Variants in CRPPA observed in about 807,000 individuals in gnomAD.
CRPPA encodes the protein CDP-L-ribitol pyrophosphorylase A, also known as D-ribitol-5-phosphate cytidylyltransferase.
Under a neutral mutation model 52.0 loss-of-function variants are expected in CRPPA, and 43 were observed. The observed-to-expected ratio is 0.83, with a 90% CI of 0.65 to 1.07. The LOEUF (loss-of-function observed/expected upper bound fraction) is 1.07. Ranked by LOEUF, CRPPA falls within the 50% of genes least tolerant of loss-of-function variation. The pLI is 0.00. For missense variants in CRPPA, 629 were observed against 551.7 expected, an observed-to-expected ratio of 1.14 and a Z score of -1.40; for synonymous variants, 250 against 203.5, an observed-to-expected ratio of 1.23 and a Z score of -1.94.
intron 3 of CRPPA, among the ~76,000 whole-genome samples, chr7:16,312,259 A>G (rs1785050067): frequency 6.6e-6 from 1 of 151,970 alleles, no homozygotes; most frequent in African/African-American, 2.4e-5. Context: ...CAAACATGGG[A>G]CACCTCTCCA....
intron 2 of CRPPA, among the ~76,000 whole-genome samples, chr7:16,380,452 T>C (rs1008354620): frequency 7.2e-5 from 11 of 152,300 alleles, no homozygotes; most frequent in Non-Finnish European, 1.5e-4. Context: ...TAAAATTCTC[T>C]TTTTTAGTTG....
At chr7:16,249,224 C>G (rs1295162) in intron 8 of CRPPA, among the ~76,000 whole-genome samples, 28,544 of 152,064 alleles carry the variant, frequency 0.19, 3,561 homozygotes, top group African/African-American at 0.36. Flanking sequence ...GGCAGCAGCC[C>G]CAGTCAGGGG....
At chr7:16,313,066 AG>A (rs1202869532) in intron 3 of CRPPA, among the ~76,000 whole-genome samples, 1 of 151,936 alleles carries the variant, frequency 6.6e-6, no homozygotes. Flanking sequence ...TTATTGAATT[AG>A]GGTAATTCTA....
intron 2 of CRPPA, among the ~76,000 whole-genome samples, chr7:16,395,458 C>T (rs1428258562): frequency 6.6e-6 from 1 of 152,140 alleles, no homozygotes; most frequent in East Asian, 1.9e-4. Flanking sequence ...TATTGAAAGG[C>T]TTAATCAGTG....
At chr7:16,286,060 T>TTTAAAAAAA (rs1784431962) in intron 5 of CRPPA, among the ~76,000 whole-genome samples, 3 of 34,688 alleles carry the variant, frequency 8.6e-5, no homozygotes, top group Admixed American at 4.0e-4. Flanking sequence ...TATATATATA[T>TTTAAAAAAA]ATATATATAT....
In CRPPA at chr7:16,308,881, A is replaced by G. The variant is rs73065181; in HGVS notation, c.685-254T>C. Among the ~76,000 whole-genome samples the G allele has an allele frequency of 0.011, 1,690 of 152,034 alleles. 20 individuals are homozygous for G. Among genetic ancestry groups the G allele is most frequent in the Non-Finnish European group, 0.012 (844 of 68,014 alleles). ...AATCATATGAGTTTTGAGATTCCTCAGTAGTTCTAGGCGTAAAAAAATGTA... is the reference window on the plus strand; with the variant it reads ...AATCATATGAGTTTTGAGATTCCTCGGTAGTTCTAGGCGTAAAAAAATGTA... On this transcript the variant is annotated intron_variant, in intron 3 of 9. Coordinates refer to ENST00000407010, the MANE Select transcript of CRPPA (RefSeq NM_001101426.4).
chr7:16,136,910 T>C (rs1782773716), intron 9 of CRPPA, among the ~76,000 whole-genome samples: 2 of 152,238 alleles, frequency 1.3e-5, no homozygotes, highest in South Asian at 2.1e-4. Flanking sequence ...TTGAGCTCTA[T>C]AATGTGGGCC....
At chr7:16,178,253 T>A (rs1389768462) in intron 9 of CRPPA, among the ~76,000 whole-genome samples, 3 of 152,200 alleles carry the variant, frequency 2.0e-5, no homozygotes, top group African/African-American at 7.2e-5. Flanking sequence ...CAGATGGAAA[T>A]GACATACACA....
chr7:16,379,802 A>G lies in CRPPA; in HGVS notation c.535-3561T>C, dbSNP rs528243595. Among the ~76,000 whole-genome samples the G allele has an allele frequency of 5.3e-5, 8 of 152,088 alleles. No individual in the cohort carries two copies. The East Asian group carries it at 1.2e-3, about 22-fold the overall frequency. ...TTGGCTCTCTGTTTGTCTGTTATTG[A>G]TGTATAAGAATGCTTGTGATTTTTG... On this transcript the variant is annotated intron_variant, in intron 2 of 9. Coordinates refer to ENST00000407010, the MANE Select transcript of CRPPA (RefSeq NM_001101426.4).
chr7:16,092,442 C>CT (rs1781856124), intron 9 of CRPPA, among the ~76,000 whole-genome samples: 1 of 152,114 alleles, frequency 6.6e-6, no homozygotes, highest in South Asian at 2.1e-4. Flanking sequence ...GATGTGGTAA[C>CT]CAATCTCTAA....
At chr7:16,166,627 C>A (rs1231796918) in intron 9 of CRPPA, among the ~76,000 whole-genome samples, 4 of 152,156 alleles carry the variant, frequency 2.6e-5, no homozygotes, top group Non-Finnish European at 5.9e-5. Flanking sequence ...ATTCTTAATT[C>A]TCATTTGTTA....
chr7:16,186,098 T>C (rs1169343912), intron 9 of CRPPA, among the ~76,000 whole-genome samples: 2 of 152,176 alleles, frequency 1.3e-5, no homozygotes, highest in African/African-American at 4.8e-5. Flanking sequence ...ATAGACAGAT[T>C]TGATAATGCA....
intron 3 of CRPPA, among the ~76,000 whole-genome samples, chr7:16,346,534 T>C (rs762692407): frequency 9.9e-5 from 15 of 151,846 alleles, no homozygotes; most frequent in Admixed American, 2.6e-4. Flanking sequence ...AAAAAAATGA[T>C]AAGAAAAGCT....
chr7:16,290,704 A>G (rs1040891588), intron 5 of CRPPA, among the ~76,000 whole-genome samples: 1 of 152,076 alleles, frequency 6.6e-6, no homozygotes, highest in Non-Finnish European at 1.5e-5. Context: ...GGAAGAAAGC[A>G]GAGGAAATGC....
intron 3 of CRPPA, among the ~76,000 whole-genome samples, chr7:16,345,896 G>C (rs1338052863): frequency 1.3e-5 from 2 of 152,148 alleles, no homozygotes; most frequent in Non-Finnish European, 2.9e-5. Flanking sequence ...TTAATTCTTT[G>C]CCTCATTAAG....
At chr7:16,145,321 T>C (rs2128377135) in intron 9 of CRPPA, among the ~76,000 whole-genome samples, 1 of 152,228 alleles carries the variant, frequency 6.6e-6, no homozygotes. Flanking sequence ...CTCACCCAAG[T>C]ACAATTCCAG....
intron 9 of CRPPA, among the ~76,000 whole-genome samples, chr7:16,116,788 C>T (rs1178473687): frequency 6.6e-6 from 1 of 151,892 alleles, no homozygotes; most frequent in East Asian, 1.9e-4. Context: ...CATGTGTTCC[C>T]GGATTGAATC....
At chr7:16,107,477 T>G (rs1378285834) in intron 9 of CRPPA, among the ~76,000 whole-genome samples, 1 of 151,806 alleles carries the variant, frequency 6.6e-6, no homozygotes, top group African/African-American at 2.4e-5. Flanking sequence ...TTCAAAGTCT[T>G]AAATAAAAAA....
intron 2 of CRPPA, among the ~76,000 whole-genome samples, chr7:16,388,711 C>A (rs1787360469): frequency 1.3e-5 from 2 of 152,068 alleles, no homozygotes; most frequent in Admixed American, 1.3e-4. Context: ...CCTGTCTCTA[C>A]TAAAAATACA....
Sources: gnomAD v4.1 joint callset for allele counts (sites outside exome capture counted in the v4.1 genomes callset) on GRCh38, gnomAD v4.1.1 for gene constraint, MANE v1.5 for transcripts, NCBI Gene and HGNC (gene_info 2026-07-23, HGNC 2026-07-21) for gene names.